The following LINGO3 variants were observed in gnomAD, a reference collection of about 807,000 sequenced individuals.
LINGO3 encodes the protein leucine rich repeat and Ig domain containing 3, also known as leucine-rich repeat and immunoglobulin-like domain-containing nogo receptor-interacting protein 3.
For synonymous variants in LINGO3, 427 were observed against 444.2 expected (o/e 0.96, Z 0.49); for missense variants, 750 against 867.7 (o/e 0.86, Z 1.70).
the LINGO3 span, among the ~76,000 whole-genome samples, chr19:2,299,054 A>G: frequency 6.6e-6 from 1 of 152,170 alleles, no homozygotes; most frequent in Admixed American, 6.5e-5. Context: ...TAGGTACAAG[A>G]GCCCTCCGGG....
chr19:2,293,599 A>T (rs2025546759), upstream of LINGO3, among the ~76,000 whole-genome samples: 1 of 150,076 alleles, frequency 6.7e-6, no homozygotes, highest in Admixed American at 6.6e-5. Context: ...ACCTCGGGTA[A>T]TCCACCGGCC....
the LINGO3 span, among the ~76,000 whole-genome samples, chr19:2,302,571 G>A: frequency 6.6e-6 from 1 of 152,150 alleles, no homozygotes; most frequent in African/African-American, 2.4e-5. Flanking sequence ...CCCCAGCAAG[G>A]GGCACGTCCC....
At chr19:2,294,047 C>T (rs986125302), upstream of LINGO3, among the ~76,000 whole-genome samples, 7 of 151,696 alleles carry the variant, frequency 4.6e-5, no homozygotes, top group African/African-American at 1.7e-4. The surrounding 1 kb of genome is among the most constrained non-coding windows in gnomAD (Gnocchi z 4.3). Flanking sequence ...GTGAGACTGT[C>T]TCAAGGGAAA....
At chr19:2,293,236 TTG>T (rs1382045085), upstream of LINGO3, among the ~76,000 whole-genome samples, 4 of 152,092 alleles carry the variant, frequency 2.6e-5, no homozygotes, top group East Asian at 5.8e-4. Flanking sequence ...GGCTAATTTT[TTG>T]TGTTTTTAGT....
chr19:2,298,536 A>AT, the LINGO3 span, among the ~76,000 whole-genome samples: 82 of 114,124 alleles, frequency 7.2e-4, no homozygotes, highest in African/African-American at 1.7e-3. Flanking sequence ...TGGGCCAATA[A>AT]TTTTTTTTTT....
the LINGO3 span, among the ~76,000 whole-genome samples, chr19:2,301,498 G>A: frequency 6.6e-6 from 1 of 152,094 alleles, no homozygotes; most frequent in Non-Finnish European, 1.5e-5. Context: ...TGTAGAGGAC[G>A]CTGGCACACA....
upstream of LINGO3, among the ~76,000 whole-genome samples, chr19:2,296,342 C>T (rs542159844): frequency 3.4e-4 from 51 of 152,208 alleles, no homozygotes; most frequent in Non-Finnish European, 5.9e-4. Context: ...AGGCCGGGCG[C>T]GGTGGTTCAC....
the LINGO3 span, among the ~76,000 whole-genome samples, chr19:2,298,175 C>T: frequency 6.6e-6 from 1 of 152,160 alleles, no homozygotes; most frequent in Non-Finnish European, 1.5e-5. Flanking sequence ...AGGTGTGAGC[C>T]ACTGGGCCTG....
In LINGO3 at chr19:2,290,935, G is replaced by A; in HGVS notation, c.842C>T (p.Pro281Leu). Residue 281 changes from proline to leucine, a missense_variant, in exon 1 of 1, where the codon CCC becomes CTC. Physicochemically the swap from Pro to Leu is moderately conservative, Grantham distance 98. Transcript: ENST00000585527. The surrounding 1 kb of genome is among the most constrained non-coding windows in gnomAD (Gnocchi z 6.0). ...CGACCCCCGCGGCACCGTGCTGATG[G>A]GGTTGTGCGACAGATTGAGGCAGGT... 1 of 1,611,990 alleles carries A rather than the reference G, an allele frequency of 6.2e-7. No individual in the cohort carries two copies. Among genetic ancestry groups the A allele is most frequent in the Non-Finnish European group, 8.5e-7 (1 of 1,179,516 alleles).
chr19:2,299,211 A>G, the LINGO3 span, among the ~76,000 whole-genome samples: 1 of 152,022 alleles, frequency 6.6e-6, no homozygotes, highest in Non-Finnish European at 1.5e-5. Context: ...TTTCCTCTGC[A>G]GGGTGCTGCC....
At chr19:2,308,061 G>A in the LINGO3 span, among the ~76,000 whole-genome samples, 3 of 150,350 alleles carry the variant, frequency 2.0e-5, no homozygotes, top group African/African-American at 7.3e-5. Context: ...GCCGGGCCCC[G>A]GCACGGCCAC....
At chr19:2,288,692 C>T (rs75574911), downstream of LINGO3, among the ~76,000 whole-genome samples, 4,913 of 152,196 alleles carry the variant, frequency 0.032, 328 homozygotes, top group East Asian at 0.26. This position sits in a 1 kb window ranked among gnomAD's most constrained non-coding sequence, Gnocchi z 6.5. Context: ...GAGGACAGGG[C>T]GTGTGGACCC....
upstream of LINGO3, among the ~76,000 whole-genome samples, chr19:2,293,776 G>A (rs550703187): frequency 5.3e-5 from 8 of 151,978 alleles, no homozygotes; most frequent in Non-Finnish European, 1.2e-4. Context: ...TTCAAGGCCG[G>A]GCGCGGTGGC....
downstream of LINGO3, among the ~76,000 whole-genome samples, chr19:2,288,134 G>A (rs1034820624): frequency 3.3e-5 from 5 of 152,162 alleles, no homozygotes; most frequent in South Asian, 8.3e-4. The surrounding 1 kb of genome is among the most constrained non-coding windows in gnomAD (Gnocchi z 6.5). Context: ...CAGAGCAACC[G>A]GGCGGTGACC....
At chr19:2,291,156 G>C in exon 1 of LINGO3, 1 of 1,607,382 alleles carries the variant, frequency 6.2e-7, no homozygotes, top group Non-Finnish European at 8.5e-7. Context: ...CGATGGCCAG[G>C]TGGCGCAGCC....
exon 1 of LINGO3, chr19:2,291,633 C>T: frequency 6.9e-7 from 1 of 1,448,984 alleles, no homozygotes; most frequent in Non-Finnish European, 9.0e-7. Context: ...TGCCGTCGGG[C>T]ACGGCGGTCA....
At chr19:2,291,040 A>G (rs748327292) in exon 1 of LINGO3, 1 of 1,610,476 alleles carries the variant, frequency 6.2e-7, no homozygotes, top group East Asian at 2.2e-5. Context: ...GGTCAGGTTC[A>G]GGCCCCGCAG....
At chr19:2,291,447 A>G in exon 1 of LINGO3, 2 of 1,613,118 alleles carry the variant, frequency 1.2e-6, no homozygotes, top group Non-Finnish European at 1.7e-6. Flanking sequence ...GCTGGTTGCC[A>G]CGGAGACGCA....
exon 1 of LINGO3, chr19:2,291,843 G>C: frequency 7.3e-7 from 1 of 1,363,010 alleles, no homozygotes; most frequent in Non-Finnish European, 9.9e-7. Flanking sequence ...GCGGGGAGCG[G>C]GCAGCGTTAG....
Sources: gnomAD v4.1 joint callset for allele counts (sites outside exome capture counted in the v4.1 genomes callset) on GRCh38, gnomAD v4.1.1 for gene constraint, Gnocchi (gnomAD v3.1) non-coding constraint, MANE v1.5 for transcripts, NCBI Gene and HGNC (gene_info 2026-07-23, HGNC 2026-07-21) for gene names.